The following HOOK1 variants were observed in gnomAD, a reference collection of about 807,000 sequenced individuals.
HOOK1 encodes hook microtubule tethering protein 1.
Under a neutral mutation model 112.8 loss-of-function variants are expected in HOOK1, and 60 were observed. The observed-to-expected ratio is 0.53, with a 90% CI of 0.43 to 0.66. The LOEUF (loss-of-function observed/expected upper bound fraction) is 0.66. HOOK1 is among the 30% of genes least tolerant of loss of function. The pLI is 0.00. For synonymous variants in HOOK1, 294 were observed against 283.8 expected (o/e 1.04, Z -0.36); for missense variants, 770 against 856.0 (o/e 0.90, Z 1.25).
intron 13 of HOOK1, 141 bp from the exon 14 acceptor site, chr1:59,858,844 G>A (rs2098412032): frequency 2.4e-6 from 1 of 419,696 alleles, no homozygotes; most frequent in Non-Finnish European, 4.4e-6. Flanking sequence ...GGAGGGGAGG[G>A]GAGCGGGGAA....
intron 2 of HOOK1, among the ~76,000 whole-genome samples, chr1:59,825,795 A>G (rs945109535): frequency 6.6e-6 from 1 of 152,218 alleles, no homozygotes; most frequent in African/African-American, 2.4e-5. Context: ...ATAAAATGAA[A>G]GTCAGTTGTG....
chr1:59,840,125 A>T (rs144264815), intron 7 of HOOK1, among the ~76,000 whole-genome samples, 183 bp from the exon 8 acceptor site: 218 of 152,298 alleles, frequency 1.4e-3, no homozygotes, highest in African/African-American at 5.0e-3. Flanking sequence ...ATCGATGTTC[A>T]TCAGGGATAT....
chr1:59,815,304 A>G (rs1265579524), intron 1 of HOOK1, 124 bp downstream of exon 1: 2 of 882,730 alleles, frequency 2.3e-6, no homozygotes, highest in East Asian at 2.8e-5. Flanking sequence ...TGCCCTTCTC[A>G]CCTCGTGCCC....
At chr1:59,815,412 G>A (rs2098380560) in intron 1 of HOOK1, 3 of 571,630 alleles carry the variant, frequency 5.2e-6, no homozygotes, top group Non-Finnish European at 9.3e-6. Context: ...GAGCGTAACA[G>A]TGGAGGCTCT....
intron 8 of HOOK1, among the ~76,000 whole-genome samples, chr1:59,840,942 A>G (rs781204780): frequency 1.3e-5 from 2 of 152,150 alleles, no homozygotes; most frequent in Non-Finnish European, 2.9e-5. Flanking sequence ...TAGATTGTCA[A>G]ACCAGGCTAC....
chr1:59,855,943 TA>T (rs2098410259), intron 12 of HOOK1, among the ~76,000 whole-genome samples: 13 of 32,426 alleles, frequency 4.0e-4, no homozygotes, highest in Admixed American at 2.2e-3. Flanking sequence ...CCAGCTAATT[TA>T]TATATATATA....
chr1:59,830,171 A>G (rs2098392724), intron 3 of HOOK1, among the ~76,000 whole-genome samples: 1 of 152,078 alleles, frequency 6.6e-6, no homozygotes, highest in Admixed American at 6.5e-5. Flanking sequence ...CATGCATTCT[A>G]CAGTTGTTAT....
intron 19 of HOOK1, among the ~76,000 whole-genome samples, chr1:59,866,531 T>C (rs1225224297): frequency 3.3e-5 from 5 of 152,128 alleles, no homozygotes; most frequent in Admixed American, 6.6e-5. Context: ...CATGTAGTCA[T>C]TCAGAGTCCT....
In HOOK1 at chr1:59,862,798, G is replaced by A. The variant is rs765087108; in HGVS notation, c.1547G>A (p.Arg516His). 21 of 1,608,934 alleles carry A rather than the reference G, an allele frequency of 1.3e-5. No homozygotes were observed. Among genetic ancestry groups the A allele is most frequent in the South Asian group, 6.6e-5 (6 of 90,942 alleles). ...LETEQRLSKE[R>H]IRELQQQIED... ...TCTTACAATAGGCTGAGCAAAGAGC[G>A]TATTAGAGAATTGCAGCAGCAGATT... The change falls in exon 16 of 22, where the codon CGT (arginine) becomes CAT (histidine). Residue 516 changes from arginine to histidine, a missense_variant. Arg to His is a conservative substitution (Grantham distance 29, BLOSUM62 0). This residue lies in a region of HOOK1 where 655 missense variants were observed against 725.9 expected (regional missense o/e 0.90). Transcript: ENST00000371208.
intron 15 of HOOK1, among the ~76,000 whole-genome samples, chr1:59,861,797 T>C (rs2098413754): frequency 6.6e-6 from 1 of 152,230 alleles, no homozygotes; most frequent in Non-Finnish European, 1.5e-5. Flanking sequence ...TTAACCTTTA[T>C]TGAATCCTAG....
intron 17 of HOOK1, chr1:59,864,894 CAG>C (rs1459331465): frequency 3.7e-6 from 2 of 547,484 alleles, no homozygotes; most frequent in Admixed American, 3.6e-5. Context: ...TTTAAAAAAA[CAG>C]ATTAACTATC....
Position 59,865,979 on chromosome 1 carries a change from G to A in HOOK1, c.1845+7G>A. The A allele has an allele frequency of 6.7e-7, 1 of 1,486,860 alleles. No homozygotes were observed. The highest frequency in any genetic ancestry group is 9.3e-7 in the Non-Finnish European group (1 of 1,075,066). The allele number at this position is 1,486,860 out of a possible 1,614,324, so 92.1% of individuals were successfully genotyped here. On this transcript the variant is annotated splice_region_variant and intron_variant, in intron 19 of 21. Coordinates refer to ENST00000371208, the MANE Select transcript of HOOK1 (RefSeq NM_015888.6). The stretch of plus-strand genomic sequence containing the variant: ...CTTGGAGAAAGCCAGAAATGTGAGT[G>A]ACTTATCTTTCGGAGCTCAAGACTT...
intron 7 of HOOK1, among the ~76,000 whole-genome samples, chr1:59,838,964 C>G (rs919064420): frequency 3.3e-5 from 5 of 152,144 alleles, no homozygotes; most frequent in African/African-American, 4.8e-5. Flanking sequence ...AATCTTTTCC[C>G]CATTACTTGT....
In HOOK1 at chr1:59,868,246, A is replaced by G. The variant is rs753610490; in HGVS notation, c.1846-4A>G. ...GTGAACATAGTATTTTTTTCTTTAA[A>G]CAGGTAATAAAAACTTTGGATCCCA... On this transcript the variant is annotated splice_polypyrimidine_tract_variant and splice_region_variant and intron_variant, in intron 19 of 21. Transcript: ENST00000371208. 6.0e-6 allele frequency: 9 copies of G among 1,511,916 alleles called. No homozygotes were observed. The highest frequency in any genetic ancestry group is 7.3e-6 in the Non-Finnish European group (8 of 1,091,818). 93.7% of individuals were successfully genotyped at this position (1,511,916 alleles called of 1,614,324 possible).
At chr1:59,825,906 A>G (rs948380287) in intron 2 of HOOK1, among the ~76,000 whole-genome samples, 6 of 152,212 alleles carry the variant, frequency 3.9e-5, no homozygotes, top group African/African-American at 4.8e-5. Context: ...ACATCCATCT[A>G]TGGACATCTA....
In HOOK1 at chr1:59,859,058, C is replaced by T. The variant is rs758115957; in HGVS notation, c.1391+13C>T. 7 of 1,370,766 alleles carry T rather than the reference C, an allele frequency of 5.1e-6. No homozygotes were observed. Among genetic ancestry groups the T allele is most frequent in the Non-Finnish European group, 5.9e-6 (6 of 1,010,612 alleles). 84.9% of individuals were successfully genotyped at this position (1,370,766 alleles called of 1,614,324 possible). On this transcript the variant is annotated intron_variant, in intron 14 of 21. Transcript: ENST00000371208. ...CAGTGGAATATAGGTAAATTTGTTT[C>T]ATAATTTGATAGAATTATATTTAAT...
chr1:59,815,669 G>A (rs2098380818), intron 1 of HOOK1, among the ~76,000 whole-genome samples: 1 of 151,976 alleles, frequency 6.6e-6, no homozygotes, highest in Non-Finnish European at 1.5e-5. Flanking sequence ...GTGGCTGGCT[G>A]TTTTAGTTCC....
intron 1 of HOOK1, among the ~76,000 whole-genome samples, chr1:59,819,681 C>T (rs1419077350): frequency 6.6e-6 from 1 of 152,046 alleles, no homozygotes. Flanking sequence ...GTATTCTGTG[C>T]CTCTGAAATT....
intron 2 of HOOK1, among the ~76,000 whole-genome samples, chr1:59,827,882 TA>T (rs1194717388): frequency 6.6e-6 from 1 of 152,152 alleles, no homozygotes; most frequent in Non-Finnish European, 1.5e-5. Flanking sequence ...GGCATACCTG[TA>T]AAGTAAGAAT....
Sources: gnomAD v4.1 joint callset for allele counts (sites outside exome capture counted in the v4.1 genomes callset) on GRCh38, gnomAD v4.1.1 for gene constraint, gnomAD v4.1.1 regional missense constraint, MANE v1.5 for transcripts, NCBI Gene and HGNC (gene_info 2026-07-23, HGNC 2026-07-21) for gene names.